AMPH: variants seen among roughly 807,000 people sequenced by gnomAD.
The protein encoded by AMPH is amphiphysin (Stiff-Mann syndrome with breast cancer 128kD autoantigen).
A neutral mutation model predicts 99.1 loss-of-function variants in AMPH; 49 were observed. That is an observed-to-expected ratio of 0.49 (90% confidence interval 0.39 to 0.63). AMPH has a LOEUF of 0.63. Among genes scored for constraint, AMPH ranks in the 20% least tolerant of loss-of-function variants. The pLI is 0.00. For synonymous variants in AMPH, 314 were observed against 317.3 expected (o/e 0.99, Z 0.11); for missense variants, 759 against 863.4 (o/e 0.88, Z 1.52).
chr7:38,516,077 CTG>C (rs1789727743), intron 2 of AMPH, among the ~76,000 whole-genome samples: 1 of 152,158 alleles, frequency 6.6e-6, no homozygotes, highest in Non-Finnish European at 1.5e-5. Flanking sequence ...GGGAAGTAGA[CTG>C]TAAAAGTTTG....
chr7:38,439,127 G>T (rs374895058), intron 11 of AMPH, among the ~76,000 whole-genome samples: 1 of 152,206 alleles, frequency 6.6e-6, no homozygotes, highest in Admixed American at 6.5e-5. Flanking sequence ...CACCATTTAA[G>T]ATGTGCCTTG....
intron 7 of AMPH, among the ~76,000 whole-genome samples, chr7:38,471,574 A>G (rs1214827817): frequency 6.6e-6 from 1 of 152,210 alleles, no homozygotes; most frequent in African/African-American, 2.4e-5. Context: ...AACAAAAAAG[A>G]CATAAGGCAC....
chr7:38,421,646 A>G (rs901891888), intron 16 of AMPH, among the ~76,000 whole-genome samples: 1 of 152,228 alleles, frequency 6.6e-6, no homozygotes, highest in African/African-American at 2.4e-5. Flanking sequence ...CTCAATTCCA[A>G]GCATCCAATA....
chr7:38,548,457 A>C (rs1425523286), intron 1 of AMPH, among the ~76,000 whole-genome samples: 5 of 152,168 alleles, frequency 3.3e-5, no homozygotes, highest in African/African-American at 1.2e-4. Context: ...CCCTTGGCTT[A>C]GTGATTTTGG....
chr7:38,600,196 C>T (rs180729555), intron 1 of AMPH, among the ~76,000 whole-genome samples: 5 of 152,094 alleles, frequency 3.3e-5, no homozygotes, highest in African/African-American at 1.2e-4. Flanking sequence ...TTTCCCATAC[C>T]TTTCTAAATT....
At chr7:38,403,086 G>C (rs759624066) in intron 17 of AMPH, among the ~76,000 whole-genome samples, 8 of 152,118 alleles carry the variant, frequency 5.3e-5, no homozygotes, top group Non-Finnish European at 2.9e-5. Flanking sequence ...GCTGACTGGA[G>C]ACGTCAGAAG....
chr7:38,422,379 T>C (rs1339477932), intron 16 of AMPH, 42 bp downstream of exon 16: 6 of 1,534,028 alleles, frequency 3.9e-6, no homozygotes, highest in Non-Finnish European at 4.5e-6. Flanking sequence ...CATTCAGTGA[T>C]AACTAACAAC....
intron 1 of AMPH, among the ~76,000 whole-genome samples, chr7:38,614,524 C>T (rs4720293): frequency 0.026 from 4,033 of 152,224 alleles, 125 homozygotes; most frequent in Admixed American, 0.07. Context: ...TTGGAGAAAT[C>T]GGCCCTTTGC....
intron 6 of AMPH, 31 bp from the exon 7 acceptor site, chr7:38,475,447 TAAGA>T (rs755646865): frequency 6.9e-7 from 1 of 1,443,868 alleles, no homozygotes; most frequent in Non-Finnish European, 9.7e-7. Context: ...GTGTTTACAC[TAAGA>T]AAGACCATTT....
chr7:38,453,835 TA>T (rs749077599), intron 11 of AMPH, among the ~76,000 whole-genome samples: 28 of 152,236 alleles, frequency 1.8e-4, no homozygotes, highest in Non-Finnish European at 3.5e-4. Context: ...AGCAACTGAG[TA>T]AGGGTATTGT....
intron 5 of AMPH, among the ~76,000 whole-genome samples, chr7:38,481,578 C>A (rs1423319715): frequency 2.6e-5 from 4 of 152,176 alleles, no homozygotes; most frequent in Non-Finnish European, 5.9e-5. Flanking sequence ...GACAAGCAGG[C>A]TCTTATTATA....
chr7:38,551,521 C>T (rs1300425903), intron 1 of AMPH, among the ~76,000 whole-genome samples: 1 of 152,142 alleles, frequency 6.6e-6, no homozygotes, highest in Non-Finnish European at 1.5e-5. Context: ...ACTTTGTTAG[C>T]ATACAGTATA....
At chr7:38,545,472 G>A (rs1790961858) in intron 1 of AMPH, among the ~76,000 whole-genome samples, 2 of 152,130 alleles carry the variant, frequency 1.3e-5, no homozygotes, top group African/African-American at 4.8e-5. Context: ...GGAAAGAATA[G>A]TGTGACCAGA....
chr7:38,605,088 T>TG (rs1793387443), intron 1 of AMPH, among the ~76,000 whole-genome samples: 1 of 45,882 alleles, frequency 2.2e-5, no homozygotes, highest in African/African-American at 1.8e-4. Context: ...CTGAAGCCTT[T>TG]TGGGTACTGA....
intron 1 of AMPH, among the ~76,000 whole-genome samples, chr7:38,552,967 C>T (rs575494791): frequency 4.1e-4 from 62 of 152,304 alleles, no homozygotes; most frequent in African/African-American, 1.4e-3. Context: ...CCCAGGGGAA[C>T]GGACCCAATG....
chr7:38,513,116 C>T (rs926581506), intron 2 of AMPH, among the ~76,000 whole-genome samples: 5 of 152,198 alleles, frequency 3.3e-5, no homozygotes, highest in African/African-American at 9.6e-5. Flanking sequence ...CAATCATAGC[C>T]GTTTATACTT....
intron 12 of AMPH, among the ~76,000 whole-genome samples, chr7:38,434,086 T>C (rs976444942): frequency 2.6e-5 from 4 of 152,178 alleles, no homozygotes; most frequent in African/African-American, 9.7e-5. Flanking sequence ...TGATCAAAGC[T>C]GGACTGCAGG....
chr7:38,394,076 C>T lies in AMPH; in HGVS notation c.1537G>A (p.Gly513Arg). The T allele has an allele frequency of 6.2e-7, 1 of 1,614,164 alleles. No homozygotes were observed. Among genetic ancestry groups the T allele is most frequent in the Non-Finnish European group, 8.5e-7 (1 of 1,180,034 alleles). The change falls in exon 18 of 21, where the codon GGA becomes AGA. Residue 513 changes from glycine (G) to arginine (R), a missense_variant. Around this residue, in one of 2 missense-constraint regions of AMPH, gnomAD observed 554 missense variants for 575.6 expected, o/e 0.96. Transcript: ENST00000356264. ...EGVSLEEAKI[G>R]TETTEGAESA... ...TCTGCACCCTCAGTGGTTTCAGTTC[C>T]AATTTTGGCCTCCTCTAAACTTACT...
At chr7:38,570,927 T>TTATATATATA (rs142367196) in intron 1 of AMPH, among the ~76,000 whole-genome samples, 246 of 20,056 alleles carry the variant, frequency 0.012, 4 homozygotes, top group Middle Eastern at 0.022. Context: ...ACAAAAAAAT[T>TTATATATATA]TATATATATA....
Sources: gnomAD v4.1 joint callset for allele counts (sites outside exome capture counted in the v4.1 genomes callset) on GRCh38, gnomAD v4.1.1 for gene constraint, gnomAD v4.1.1 regional missense constraint, MANE v1.5 for transcripts, NCBI Gene and HGNC (gene_info 2026-07-23, HGNC 2026-07-21) for gene names.